The following TSPAN15 variants were observed in gnomAD, a reference collection of about 807,000 sequenced individuals.
TSPAN15 encodes tetraspanin-15.
Under a neutral mutation model 34.5 loss-of-function variants are expected in TSPAN15, and 20 were observed. The ratio of observed to expected loss-of-function variants is 0.58; its 90% CI spans 0.41 to 0.84. The LOEUF is 0.84. TSPAN15 is among the 40% of genes least tolerant of loss of function. The pLI, the probability that TSPAN15 is intolerant of heterozygous loss-of-function variation, is 0.00. For synonymous variants in TSPAN15, 155 were observed against 153.9 expected, an observed-to-expected ratio of 1.01 and a Z score of -0.05; for missense variants, 313 against 386.1, an observed-to-expected ratio of 0.81 and a Z score of 1.59.
the TSPAN15 span, among the ~76,000 whole-genome samples, chr10:69,543,844 AGT>A: frequency 0.082 from 6,010 of 73,660 alleles, 353 homozygotes; most frequent in South Asian, 0.1. Flanking sequence ...GAAGAAGGGG[AGT>A]GTGTGTGTGT....
the TSPAN15 span, among the ~76,000 whole-genome samples, chr10:69,531,922 CAAACAAACA>C: frequency 7.3e-6 from 1 of 136,508 alleles, no homozygotes; most frequent in Non-Finnish European, 1.6e-5. Flanking sequence ...GCAAAACAAA[CAAACAAACA>C]AAACAAAACA....
the TSPAN15 span, among the ~76,000 whole-genome samples, chr10:69,546,584 G>A: frequency 6.6e-6 from 1 of 152,118 alleles, no homozygotes; most frequent in Non-Finnish European, 1.5e-5. Flanking sequence ...GGTTCTCATT[G>A]ATTCAACTCT....
At chr10:69,534,395 G>A in the TSPAN15 span, among the ~76,000 whole-genome samples, 1 of 152,278 alleles carries the variant, frequency 6.6e-6, no homozygotes, top group East Asian at 1.9e-4. Context: ...ATAGATACTT[G>A]TAGAATGTAA....
intron 5 of TSPAN15, among the ~76,000 whole-genome samples, chr10:69,500,318 C>CT (rs1364358013): frequency 1.3e-5 from 2 of 152,214 alleles, no homozygotes; most frequent in African/African-American, 4.8e-5. Context: ...GGCCTTCACA[C>CT]TCCCACCCAC....
the TSPAN15 span, chr10:69,523,198 G>A: frequency 3.9e-6 from 1 of 258,774 alleles, no homozygotes; most frequent in Non-Finnish European, 7.2e-6. Flanking sequence ...GAATGGTCTG[G>A]GCACCATTTT....
chr10:69,512,814 T>C, the TSPAN15 span, among the ~76,000 whole-genome samples: 1 of 152,258 alleles, frequency 6.6e-6, no homozygotes, highest in African/African-American at 2.4e-5. Context: ...GGATACACCA[T>C]GGTTTATTTA....
In TSPAN15 at chr10:69,506,789, T is replaced by C. The variant is rs1237266536; in HGVS notation, c.736-40T>C. 1 of 1,547,018 alleles carries C rather than the reference T, an allele frequency of 6.5e-7. No homozygotes were observed. Among genetic ancestry groups the C allele is most frequent in the African/African-American group, 1.4e-5 (1 of 73,200 alleles). ...GGAGCTGCAGGGAGGGCTGCCCTGA[T>C]TCCCAGCAGGCCCTCACCAGCCCTG... On this transcript the variant is annotated intron_variant, in intron 7 of 7. Coordinates refer to ENST00000373290, the MANE Select transcript of TSPAN15 (RefSeq NM_012339.5). This position sits in a 1 kb window ranked among gnomAD's most constrained non-coding sequence, Gnocchi z 4.7.
Position 69,504,433 on chromosome 10 carries a change from T to C in TSPAN15, c.571-5T>C, listed in dbSNP as rs1446559409. ...AATATTAGCTATTATACATTTCCAT[T>C]TCAGACAGAAGTTGTCAACACCATG... is the stretch of plus-strand genomic sequence containing the variant. On this transcript the variant is annotated splice_polypyrimidine_tract_variant and splice_region_variant and intron_variant, in intron 5 of 7. Transcript: ENST00000373290. 3 of 1,613,360 alleles carry C rather than the reference T, an allele frequency of 1.9e-6. No homozygotes were observed. Among genetic ancestry groups the C allele is most frequent in the Non-Finnish European group, 2.5e-6 (3 of 1,179,382 alleles).
the TSPAN15 span, among the ~76,000 whole-genome samples, chr10:69,519,260 T>A: frequency 1.3e-5 from 2 of 151,792 alleles, no homozygotes; most frequent in African/African-American, 4.8e-5. Flanking sequence ...CAAATAATAA[T>A]AATAAAAAAA....
chr10:69,540,483 A>C, the TSPAN15 span, among the ~76,000 whole-genome samples: 1 of 152,138 alleles, frequency 6.6e-6, no homozygotes, highest in Non-Finnish European at 1.5e-5. Flanking sequence ...CATGAATGTG[A>C]GGGGATTTCA....
At chr10:69,548,752 A>T in the TSPAN15 span, among the ~76,000 whole-genome samples, 1 of 152,204 alleles carries the variant, frequency 6.6e-6, no homozygotes, top group African/African-American at 2.4e-5. Flanking sequence ...TAAAAAAAAA[A>T]TCCAGGGAAA....
rs1389243749 is a variant in TSPAN15 at position 69,498,335 on chromosome 10, A to T, written c.509A>T (p.Asp170Val). 7 of 1,613,658 alleles carry T rather than the reference A, an allele frequency of 4.3e-6. No individual in the cohort carries two copies. In the Middle Eastern group the frequency reaches 6.6e-4, roughly 152 times the overall value. The change falls in exon 5 of 8, where the codon GAC becomes GTC. Residue 170 changes from aspartate (D) to valine (V), a missense_variant. Asp to Val is a radical substitution (Grantham distance 152). Coordinates refer to ENST00000373290, the MANE Select transcript of TSPAN15 (RefSeq NM_012339.5). ...YRDWSKNQYH[D>V]CSAPGPLACG... is the part of the protein sequence containing the mutation. Reference sequence around the variant, plus strand: ...GATTGGAGCAAGAATCAGTACCACGACTGCAGTGCCCCTGGACCCCTGGCC... The same window carrying T: ...GATTGGAGCAAGAATCAGTACCACGTCTGCAGTGCCCCTGGACCCCTGGCC...
intron 3 of TSPAN15, among the ~76,000 whole-genome samples, chr10:69,494,228 G>T (rs1172051969): frequency 6.6e-6 from 1 of 152,176 alleles, no homozygotes; most frequent in Admixed American, 6.5e-5. Context: ...TCAGTTTTTT[G>T]AACAAGAGTT....
At chr10:69,491,196 T>C (rs569922809) in intron 3 of TSPAN15, among the ~76,000 whole-genome samples, 1 of 152,302 alleles carries the variant, frequency 6.6e-6, no homozygotes, top group African/African-American at 2.4e-5. Flanking sequence ...TGGGTTCTCT[T>C]CCATTCCTGA....
At chr10:69,527,987 G>A in the TSPAN15 span, among the ~76,000 whole-genome samples, 1 of 148,188 alleles carries the variant, frequency 6.7e-6, no homozygotes, top group Non-Finnish European at 1.5e-5. Flanking sequence ...CACTCTTCTG[G>A]CTGGAAACCT....
the TSPAN15 span, among the ~76,000 whole-genome samples, chr10:69,517,392 C>G: frequency 6.6e-6 from 1 of 152,244 alleles, no homozygotes; most frequent in Non-Finnish European, 1.5e-5. Flanking sequence ...CAAGGAGCTG[C>G]CGGGGGCTCG....
the TSPAN15 span, among the ~76,000 whole-genome samples, chr10:69,516,382 C>A: frequency 6.6e-6 from 1 of 152,220 alleles, no homozygotes; most frequent in African/African-American, 2.4e-5. Flanking sequence ...CTGCCTCCTT[C>A]CCCCACCAAT....
chr10:69,525,296 C>T, the TSPAN15 span, among the ~76,000 whole-genome samples: 2 of 147,486 alleles, frequency 1.4e-5, no homozygotes, highest in South Asian at 4.3e-4. Flanking sequence ...ATAAAACTTA[C>T]AGGATGCATT....
the TSPAN15 span, among the ~76,000 whole-genome samples, chr10:69,532,366 A>C: frequency 1.3e-5 from 2 of 152,346 alleles, no homozygotes; most frequent in Admixed American, 6.5e-5. Flanking sequence ...AGAACCCAGA[A>C]ATAAACCCAG....
Sources: allele counts gnomAD v4.1 joint callset (sites outside exome capture counted in the v4.1 genomes callset), GRCh38; gene constraint gnomAD v4.1.1; non-coding constraint Gnocchi (gnomAD v3.1); transcripts MANE v1.5; gene names NCBI Gene and HGNC (gene_info 2026-07-23, HGNC 2026-07-21).